Variants in DKC1 observed in about 807,000 individuals in gnomAD.
The protein encoded by DKC1 is dyskerin pseudouridine synthase 1.
Under a neutral mutation model 46.7 loss-of-function variants are expected in DKC1, and 4 were observed. The ratio of observed to expected loss-of-function variants is 0.09; its 90% CI spans 0.04 to 0.20. The LOEUF (loss-of-function observed/expected upper bound fraction) is 0.20. Among genes scored for constraint, DKC1 ranks in the 10% least tolerant of loss-of-function variants. DKC1 has a pLI of 1.00. For missense variants in DKC1, 171 were observed against 404.2 expected, an observed-to-expected ratio of 0.42 and a Z score of 4.95; for synonymous variants, 141 against 142.4, an observed-to-expected ratio of 0.99 and a Z score of 0.07.
In DKC1 at chrX:154,770,908, C is replaced by G. The variant is rs11156581; in HGVS notation, c.1036+29C>G. Reference sequence around the variant, plus strand: ...AGAGGGGATGTTTATTTTTTAAATTCTAAATGTTTGTGGTTACATACTAGG... The same window carrying G: ...AGAGGGGATGTTTATTTTTTAAATTGTAAATGTTTGTGGTTACATACTAGG... On this transcript the variant is annotated intron_variant, in intron 10 of 14. Coordinates refer to ENST00000369550, the MANE Select transcript of DKC1 (RefSeq NM_001363.5). 1,720 of 1,202,380 alleles carry G rather than the reference C, an allele frequency of 1.4e-3. 19 individuals carry two copies. In the African/African-American group the frequency reaches 0.027, roughly 19 times the overall value.
intron 8 of DKC1, 133 bp downstream of exon 8, chrX:154,768,565 G>C: frequency 1.2e-6 from 1 of 867,858 alleles, no homozygotes; most frequent in Non-Finnish European, 1.7e-6. Context: ...CAGCTTCCCT[G>C]TTCTGTTAAT....
intron 13 of DKC1, 23 bp from the exon 14 acceptor site, chrX:154,776,164 T>C: frequency 1.7e-6 from 2 of 1,211,614 alleles, no homozygotes; most frequent in Non-Finnish European, 2.2e-6. Context: ...GATCTAACAC[T>C]TAACCAATTG....
Position 154,769,233 on chromosome X carries a change from A to G in DKC1, c.838A>G (p.Ser280Gly). Reference protein sequence around the residue: ...QWLYDNHKDESYLRRVVYPLE... With the variant: ...QWLYDNHKDEGYLRRVVYPLE... ...GCTGTATGATAACCACAAGGATGAG[A>G]GTTACCTGCGGCGAGTTGTTTACCC... The change falls in exon 9 of 15, where the codon AGT (serine) becomes GGT (glycine). Residue 280 changes from serine (S) to glycine (G), a missense_variant. Physicochemically the swap from Ser to Gly is moderately conservative, Grantham distance 56. This residue lies in a region of DKC1 where 60 missense variants were observed against 206.5 expected (regional missense o/e 0.29). Transcript: ENST00000369550. The G allele has an allele frequency of 8.3e-7, 1 of 1,211,011 alleles. No individual in the cohort carries two copies. Among genetic ancestry groups the G allele is most frequent in the Non-Finnish European group, 1.1e-6 (1 of 894,960 alleles).
At chrX:154,768,696 A>G (rs2071782017) in intron 8 of DKC1, 1 of 439,228 alleles carries the variant, frequency 2.3e-6, no homozygotes, top group Non-Finnish European at 4.1e-6. Flanking sequence ...ACGGTTAAAG[A>G]TGCCTGGAAG....
Position 154,775,281 on chromosome X carries a change from G to A in DKC1, c.1338+8G>A. On this transcript the variant is annotated splice_region_variant and intron_variant, in intron 13 of 14. Transcript: ENST00000369550. ...GCAGCAAAAACTGCGAAGGTGAGTG[G>A]CATGCTGTCCTCAGTTTGGAATGTG... 8.3e-7 allele frequency: 1 copy of A among 1,206,936 alleles called. No individual in the cohort carries two copies. Among genetic ancestry groups the A allele is most frequent in the Non-Finnish European group, 1.1e-6 (1 of 891,504 alleles).
intron 14 of DKC1, 116 bp downstream of exon 14, chrX:154,776,440 G>A: frequency 3.0e-6 from 3 of 1,013,766 alleles, no homozygotes; most frequent in Non-Finnish European, 4.1e-6. Flanking sequence ...CCTGGGGGTG[G>A]GATGCCACCG....
chrX:154,776,165 T>A, intron 13 of DKC1, 22 bp from the exon 14 acceptor site: 1 of 1,211,647 alleles, frequency 8.3e-7, no homozygotes, highest in Non-Finnish European at 1.1e-6. Context: ...ATCTAACACT[T>A]AACCAATTGC....
intron 11 of DKC1, among the ~76,000 whole-genome samples, chrX:154,773,556 G>A (rs1317090548): frequency 1.8e-5 from 2 of 108,759 alleles, no homozygotes; most frequent in Non-Finnish European, 3.8e-5. Context: ...ATCTTGCACC[G>A]CCCTTAATCC....
At chrX:154,770,656 C>A in intron 9 of DKC1, 103 bp from the exon 10 acceptor site, 1 of 1,099,894 alleles carries the variant, frequency 9.1e-7, no homozygotes, top group South Asian at 1.8e-5. Context: ...ATCCCTGTTT[C>A]CTGGTGTCAG....
At chrX:154,775,904 T>TG (rs1557265629) in intron 13 of DKC1, among the ~76,000 whole-genome samples, 1 of 112,050 alleles carries the variant, frequency 8.9e-6, no homozygotes, top group Non-Finnish European at 1.9e-5. Context: ...GAGAGGTCCT[T>TG]GCAGTCATGA....
intron 10 of DKC1, among the ~76,000 whole-genome samples, chrX:154,771,235 G>A (rs1289258771): frequency 1.2e-5 from 1 of 85,091 alleles, no homozygotes; most frequent in African/African-American, 4.6e-5. Context: ...TTTTCACCCA[G>A]ACTGCAGTGC....
At chrX:154,773,900 TC>T (rs782716415) in intron 11 of DKC1, among the ~76,000 whole-genome samples, 7 of 110,769 alleles carry the variant, frequency 6.3e-5, no homozygotes, top group Non-Finnish European at 1.3e-4. Context: ...GCCCCTCACC[TC>T]CCGGACGGGG....
chrX:154,765,552 T>A, intron 3 of DKC1, 22 bp downstream of exon 3: 1 of 1,043,208 alleles, frequency 9.6e-7, no homozygotes, highest in Non-Finnish European at 1.3e-6. Flanking sequence ...AAATCGTGCA[T>A]CAGATGAATG....
At position 154,776,926 on chromosome X, in the gene DKC1, A is replaced by T; in HGVS notation, c.*59A>T. 1.0e-6 allele frequency: 1 copy of T among 996,764 alleles called. No homozygotes were observed. The highest frequency in any genetic ancestry group is 1.4e-6 in the Non-Finnish European group (1 of 719,727). The allele number at this position is 996,764 out of a possible 1,213,427, so 82.1% of individuals were successfully genotyped here. On this transcript the variant is annotated 3_prime_UTR_variant, in exon 15 of 15. Coordinates refer to ENST00000369550, the MANE Select transcript of DKC1 (RefSeq NM_001363.5). Reference sequence around the variant, plus strand: ...GCCTTATTGAGAAAACATGTTATAGATCCTTTTGTTGCTGAGAGAGTGGAA... The same window carrying T: ...GCCTTATTGAGAAAACATGTTATAGTTCCTTTTGTTGCTGAGAGAGTGGAA...
At chrX:154,764,485 A>G (rs960637094) in intron 1 of DKC1, among the ~76,000 whole-genome samples, 3 of 111,792 alleles carry the variant, frequency 2.7e-5, no homozygotes, top group African/African-American at 9.7e-5. Context: ...TTTTACTTCG[A>G]CTGTTGTAAT....
At chrX:154,772,975 C>T (rs1557265087) in intron 10 of DKC1, among the ~76,000 whole-genome samples, 156 bp from the exon 11 acceptor site, 1 of 112,028 alleles carries the variant, frequency 8.9e-6, no homozygotes, top group Non-Finnish European at 1.9e-5. Flanking sequence ...GGAGTATTTC[C>T]TCCATATGCA....
intron 1 of DKC1, among the ~76,000 whole-genome samples, chrX:154,763,818 G>A (rs2148508227): frequency 9.0e-6 from 1 of 111,693 alleles, no homozygotes; most frequent in South Asian, 3.7e-4. Flanking sequence ...TAGGCAGTTG[G>A]GACACAGCGT....
intron 9 of DKC1, among the ~76,000 whole-genome samples, chrX:154,769,569 C>A (rs907132220): frequency 9.0e-6 from 1 of 111,477 alleles, no homozygotes; most frequent in East Asian, 2.8e-4. Flanking sequence ...GAGTTTGAGA[C>A]CAGCTTGAGC....
intron 8 of DKC1, 30 bp from the exon 9 acceptor site, chrX:154,769,135 CTG>C: frequency 1.7e-6 from 2 of 1,190,202 alleles, no homozygotes; most frequent in East Asian, 3.1e-5. Context: ...TACAAATAAA[CTG>C]AATTATTTTC....
Sources: gnomAD v4.1 joint callset for allele counts (sites outside exome capture counted in the v4.1 genomes callset) on GRCh38, gnomAD v4.1.1 for gene constraint, gnomAD v4.1.1 regional missense constraint, MANE v1.5 for transcripts, NCBI Gene and HGNC (gene_info 2026-07-23, HGNC 2026-07-21) for gene names.